AIG1: variants seen among roughly 807,000 people sequenced by gnomAD.
The protein encoded by AIG1 is androgen-induced gene 1 protein.
Under a neutral mutation model 31.4 loss-of-function variants are expected in AIG1, and 23 were observed. That is an observed-to-expected ratio of 0.73 (90% CI 0.53 to 1.04). AIG1 has a LOEUF of 1.04. AIG1 is among the 50% of genes least tolerant of loss of function. The pLI, the probability that AIG1 is intolerant of heterozygous loss-of-function variation, is 0.00. For synonymous variants in AIG1, 100 were observed against 110.5 expected, an observed-to-expected ratio of 0.90 and a Z score of 0.60; for missense variants, 274 against 295.0, an observed-to-expected ratio of 0.93 and a Z score of 0.52.
intron 3 of AIG1, among the ~76,000 whole-genome samples, chr6:143,197,160 T>C (rs1210263752): frequency 6.6e-6 from 1 of 151,710 alleles, no homozygotes; most frequent in Non-Finnish European, 1.5e-5. Flanking sequence ...GTTCAAATGT[T>C]TCTCGACACA....
At chr6:143,113,620 A>T (rs1781482136) in intron 1 of AIG1, among the ~76,000 whole-genome samples, 1 of 151,862 alleles carries the variant, frequency 6.6e-6, no homozygotes, top group Admixed American at 6.6e-5. Flanking sequence ...AAAAACAAAA[A>T]AAAAGTTACA....
chr6:143,180,055 C>T (rs909186264), intron 3 of AIG1, among the ~76,000 whole-genome samples: 8 of 152,184 alleles, frequency 5.3e-5, no homozygotes, highest in African/African-American at 1.9e-4. Context: ...TCTTTCTGTC[C>T]TCAGTCCACT....
At chr6:143,308,436 C>G (rs1402834680) in intron 4 of AIG1, among the ~76,000 whole-genome samples, 6 of 152,168 alleles carry the variant, frequency 3.9e-5, no homozygotes, top group Non-Finnish European at 5.9e-5. Flanking sequence ...GTTTATGTGT[C>G]CTCATTTTTT....
Position 143,260,017 on chromosome 6 carries a change from C to CTTTT in AIG1, c.400-24072_400-24069dup, listed in dbSNP as rs35620148. On this transcript the variant is annotated intron_variant, in intron 3 of 5. Coordinates refer to ENST00000357847, the MANE Select transcript of AIG1 (RefSeq NM_016108.4). ...TGAGGGTCTTGTGCTTCTTGTGCTT[C>CTTTT]TTTTTTTTTTTTTTTTTTTTTTTTG... 4.3e-3 allele frequency among the ~76,000 whole-genome samples: 363 copies of CTTTT among 85,084 alleles called. 2 individuals are homozygous for CTTTT. Among genetic ancestry groups the CTTTT allele is most frequent in the Middle Eastern group, 7.2e-3 (1 of 138 alleles). 55.8% of individuals were successfully genotyped at this position (85,084 alleles called of 152,430 possible).
intron 3 of AIG1, among the ~76,000 whole-genome samples, chr6:143,272,116 A>G (rs1004399862): frequency 1.3e-5 from 2 of 152,032 alleles, no homozygotes; most frequent in African/African-American, 4.8e-5. Context: ...TGTGTATACT[A>G]TTTCTATTTG....
chr6:143,149,498 A>T (rs933981916), intron 2 of AIG1, among the ~76,000 whole-genome samples: 3 of 143,168 alleles, frequency 2.1e-5, no homozygotes, highest in Admixed American at 7.3e-5. Flanking sequence ...CTGCACTCGC[A>T]CTCTAGGCTG....
At chr6:143,295,793 ACTCTTT>A (rs939924916) in intron 4 of AIG1, among the ~76,000 whole-genome samples, 10 of 151,546 alleles carry the variant, frequency 6.6e-5, no homozygotes, top group Admixed American at 1.3e-4. Flanking sequence ...TATTTGATTA[ACTCTTT>A]CTCCAAAGTC....
chr6:143,095,553 A>G (rs1779687525), intron 1 of AIG1, among the ~76,000 whole-genome samples: 2 of 152,226 alleles, frequency 1.3e-5, no homozygotes, highest in Non-Finnish European at 2.9e-5. Flanking sequence ...ATCTAAATTT[A>G]TTATGTATTA....
In AIG1 at chr6:143,260,071, T is replaced by C. The variant is rs369075975; in HGVS notation, c.400-24039T>C. On this transcript the variant is annotated intron_variant, in intron 3 of 5. Coordinates refer to ENST00000357847, the MANE Select transcript of AIG1 (RefSeq NM_016108.4). The stretch of plus-strand genomic sequence containing the variant: ...CGGAGTCTCACTCTGTCACCCAGGC[T>C]GAAGTGCAGTGGTGCGATCTCGGCT... Among the ~76,000 whole-genome samples, 245 of 142,210 alleles carry C rather than the reference T, an allele frequency of 1.7e-3. 2 individuals are homozygous for C. The highest frequency in any genetic ancestry group is 5.4e-3 in the African/African-American group (201 of 37,466). The allele number at this position is 142,210 out of a possible 152,430, so 93.3% of individuals were successfully genotyped here.
chr6:143,176,235 G>A (rs955502889), intron 3 of AIG1, among the ~76,000 whole-genome samples: 2 of 152,180 alleles, frequency 1.3e-5, no homozygotes, highest in Admixed American at 6.5e-5. Context: ...ACTCCATGAG[G>A]GTTCTTGGCT....
chr6:143,211,913 A>G (rs773846975), intron 3 of AIG1, among the ~76,000 whole-genome samples: 77 of 152,054 alleles, frequency 5.1e-4, no homozygotes, highest in Non-Finnish European at 8.2e-4. Flanking sequence ...AAAAATTCCA[A>G]CGTAAGTTTA....
At chr6:143,169,687 G>C (rs560350634) in intron 3 of AIG1, among the ~76,000 whole-genome samples, 1 of 152,096 alleles carries the variant, frequency 6.6e-6, no homozygotes, top group South Asian at 2.1e-4. Flanking sequence ...TCTTATTCCA[G>C]ATCTTAGAGG....
intron 5 of AIG1, among the ~76,000 whole-genome samples, chr6:143,337,773 C>T (rs1277097009): frequency 2.0e-5 from 3 of 152,072 alleles, no homozygotes; most frequent in Non-Finnish European, 4.4e-5. Flanking sequence ...CCAGCACTGC[C>T]CCCTGGTGGA....
At chr6:143,085,601 CA>C (rs1778695726) in intron 1 of AIG1, among the ~76,000 whole-genome samples, 1 of 152,120 alleles carries the variant, frequency 6.6e-6, no homozygotes, top group Non-Finnish European at 1.5e-5. Context: ...AGTCCTTATG[CA>C]AATTCATTTC....
chr6:143,139,639 A>T (rs1784086375), intron 2 of AIG1, among the ~76,000 whole-genome samples: 1 of 151,826 alleles, frequency 6.6e-6, no homozygotes, highest in Admixed American at 6.6e-5. Flanking sequence ...TAAACTTTTA[A>T]ATGTTCCTTT....
At chr6:143,204,715 A>G (rs904055910) in intron 3 of AIG1, among the ~76,000 whole-genome samples, 1 of 152,146 alleles carries the variant, frequency 6.6e-6, no homozygotes, top group African/African-American at 2.4e-5. Context: ...GGTCCTGAAC[A>G]ATGTGCGGAG....
At chr6:143,237,508 C>T (rs555362993) in intron 3 of AIG1, among the ~76,000 whole-genome samples, 30 of 152,210 alleles carry the variant, frequency 2.0e-4, no homozygotes, top group Admixed American at 3.3e-4. Context: ...GATAAACTCA[C>T]GATTAAACTT....
At chr6:143,250,331 T>A (rs1346496491) in intron 3 of AIG1, among the ~76,000 whole-genome samples, 1 of 152,240 alleles carries the variant, frequency 6.6e-6, no homozygotes, top group Non-Finnish European at 1.5e-5. Context: ...CCACTTACTC[T>A]GATCTGAGCA....
chr6:143,215,809 C>A (rs997931628), intron 3 of AIG1, among the ~76,000 whole-genome samples: 1 of 152,148 alleles, frequency 6.6e-6, no homozygotes, highest in Non-Finnish European at 1.5e-5. Context: ...AATGAACACT[C>A]TAAGGCAGTG....
Sources: allele counts gnomAD v4.1 joint callset (sites outside exome capture counted in the v4.1 genomes callset), GRCh38; gene constraint gnomAD v4.1.1; transcripts MANE v1.5; gene names NCBI Gene and HGNC (gene_info 2026-07-23, HGNC 2026-07-21).